TTC28: variants seen among roughly 807,000 people sequenced by gnomAD.
The protein encoded by TTC28 is tetratricopeptide repeat domain 28, also known as tetratricopeptide repeat protein 28.
In TTC28, 61 loss-of-function variants were observed where a neutral mutation model predicts 198.0. The ratio of observed to expected loss-of-function variants is 0.31; its 90% confidence interval spans 0.25 to 0.38. The LOEUF (loss-of-function observed/expected upper bound fraction) is 0.38, where lower values mean the gene tolerates loss of function less well. TTC28 is among the 10% of genes least tolerant of loss of function. The pLI, the probability that TTC28 is intolerant of heterozygous loss-of-function variation, is 1.00. For synonymous variants in TTC28, 1,171 were observed against 1,297.8 expected (o/e 0.90, Z 2.10); for missense variants, 2,678 against 3,164.0 (o/e 0.85, Z 3.69).
At chr22:28,530,704 A>T (rs1192029897) in intron 2 of TTC28, among the ~76,000 whole-genome samples, 2 of 152,228 alleles carry the variant, frequency 1.3e-5, no homozygotes, top group East Asian at 1.9e-4. Context: ...GACTAACAGC[A>T]GATGTCTCGG....
intron 5 of TTC28, among the ~76,000 whole-genome samples, chr22:28,211,672 A>G (rs1926978597): frequency 6.6e-6 from 1 of 152,068 alleles, no homozygotes; most frequent in African/African-American, 2.4e-5. Flanking sequence ...GATTCCAAAC[A>G]ATAATAATGA....
chr22:27,998,999 A>G lies in TTC28; in HGVS notation c.4660T>C (p.Ser1554Pro). ...ATGCTGGGCGTGAGGACCAAGGCCG[A>G]CAGCTTCCAGGAGATGTGGGTGGCA... ...HFATHISWKL[S>P]ALVLTPSMDG... The change falls in exon 16 of 23, where the codon TCG becomes CCG. Residue 1554 changes from serine to proline, a missense_variant. Around this residue, in one of 8 missense-constraint regions of TTC28, gnomAD observed 727 missense variants for 861.9 expected, o/e 0.84. Coordinates refer to ENST00000397906, the MANE Select transcript of TTC28 (RefSeq NM_001145418.2). 6.4e-7 allele frequency: 1 copy of G among 1,550,604 alleles called. No homozygotes were observed. Among genetic ancestry groups the G allele is most frequent in the Non-Finnish European group, 8.7e-7 (1 of 1,146,988 alleles).
chr22:27,987,927 A>AT (rs1264045211), intron 21 of TTC28, among the ~76,000 whole-genome samples: 3 of 151,998 alleles, frequency 2.0e-5, no homozygotes, highest in African/African-American at 7.3e-5. Context: ...GAAGAAAAGC[A>AT]TGTAGGCCAG....
chr22:28,088,776 C>T (rs974578384), intron 12 of TTC28, among the ~76,000 whole-genome samples: 1 of 152,154 alleles, frequency 6.6e-6, no homozygotes, highest in East Asian at 1.9e-4. Flanking sequence ...TGACAAAGGG[C>T]TAATATCCAG....
At chr22:28,654,162 T>G (rs2146267235) in intron 1 of TTC28, among the ~76,000 whole-genome samples, 1 of 152,266 alleles carries the variant, frequency 6.6e-6, no homozygotes, top group South Asian at 2.1e-4. Flanking sequence ...ATTTCTCCAT[T>G]TAAAAGCCCA....
chr22:28,629,971 G>A, intron 1 of TTC28, 141 bp from the exon 2 acceptor site: 1 of 716,778 alleles, frequency 1.4e-6, no homozygotes, highest in Non-Finnish European at 2.3e-6. Flanking sequence ...AATGGGAGGT[G>A]TTTAGGTCAT....
chr22:28,461,263 A>T (rs1055410732), intron 2 of TTC28, among the ~76,000 whole-genome samples: 14 of 152,220 alleles, frequency 9.2e-5, no homozygotes, highest in Non-Finnish European at 1.9e-4. Flanking sequence ...TTGTTGAATG[A>T]ATAACTATTG....
At chr22:28,651,962 C>T (rs1231522677) in intron 1 of TTC28, among the ~76,000 whole-genome samples, 1 of 152,128 alleles carries the variant, frequency 6.6e-6, no homozygotes, top group African/African-American at 2.4e-5. Flanking sequence ...GCCTCAGCCT[C>T]CCAAGTAGCT....
chr22:28,008,915 A>C (rs1300090003), intron 14 of TTC28, among the ~76,000 whole-genome samples: 1 of 152,232 alleles, frequency 6.6e-6, no homozygotes, highest in Non-Finnish European at 1.5e-5. Flanking sequence ...AGTCCAGGGC[A>C]AGAAGCAGGG....
At chr22:28,039,770 A>G (rs1939535852) in intron 12 of TTC28, among the ~76,000 whole-genome samples, 1 of 152,186 alleles carries the variant, frequency 6.6e-6, no homozygotes, top group Non-Finnish European at 1.5e-5. Flanking sequence ...AGACACAAAA[A>G]ACCCTTCAAA....
chr22:28,534,033 T>C (rs990251626), intron 2 of TTC28, among the ~76,000 whole-genome samples: 1 of 152,102 alleles, frequency 6.6e-6, no homozygotes, highest in African/African-American at 2.4e-5. Context: ...CCAAAAGCAA[T>C]GGCAACAAAA....
At chr22:28,553,600 G>A (rs1187258298) in intron 2 of TTC28, among the ~76,000 whole-genome samples, 12 of 150,486 alleles carry the variant, frequency 8.0e-5, no homozygotes, top group African/African-American at 9.8e-5. Context: ...CAGCCACCCC[G>A]TCTGGGAAGT....
rs1415642283 is a variant in TTC28 at position 28,444,253 on chromosome 22, G to A, written c.382-137610C>T. On this transcript the variant is annotated intron_variant, in intron 2 of 22. Coordinates refer to ENST00000397906, the MANE Select transcript of TTC28 (RefSeq NM_001145418.2). ...TGGGTAAACTACTAGAATACCAACT[G>A]ATATGCATAATAATAGTAACTGATG... Among the ~76,000 whole-genome samples, 3 of 152,168 alleles carry A rather than the reference G, an allele frequency of 2.0e-5. No homozygotes were observed. The South Asian group carries it at 6.2e-4, about 32-fold the overall frequency.
At chr22:28,287,404 A>G (rs1318896492) in intron 5 of TTC28, among the ~76,000 whole-genome samples, 4 of 152,206 alleles carry the variant, frequency 2.6e-5, no homozygotes, top group Admixed American at 2.6e-4. Context: ...CAAGACACAA[A>G]AGGCTCTAAC....
intron 2 of TTC28, among the ~76,000 whole-genome samples, chr22:28,390,270 G>A (rs1047059284): frequency 1.3e-5 from 2 of 151,972 alleles, no homozygotes; most frequent in African/African-American, 4.8e-5. Flanking sequence ...CAAGTATGTG[G>A]TCAATTTTGG....
intron 2 of TTC28, among the ~76,000 whole-genome samples, chr22:28,443,524 TCC>T (rs2047656810): frequency 6.6e-6 from 1 of 152,104 alleles, no homozygotes; most frequent in Non-Finnish European, 1.5e-5. Context: ...ATGCCTACCT[TCC>T]CTGAACACTG....
intron 6 of TTC28, among the ~76,000 whole-genome samples, chr22:28,112,115 A>AATTTTTGTT (rs1379911524): frequency 6.6e-6 from 1 of 152,146 alleles, no homozygotes; most frequent in Non-Finnish European, 1.5e-5. Flanking sequence ...ATATTTTGGC[A>AATTTTTGTT]ATTTTTGTTT....
chr22:28,255,655 T>C (rs1930850803), intron 5 of TTC28, among the ~76,000 whole-genome samples: 2 of 146,316 alleles, frequency 1.4e-5, no homozygotes, highest in Non-Finnish European at 3.0e-5. Context: ...CATTCCAGCC[T>C]GGGCAATAAG....
intron 14 of TTC28, among the ~76,000 whole-genome samples, chr22:28,009,103 C>A (rs1367415754): frequency 6.6e-6 from 1 of 152,216 alleles, no homozygotes; most frequent in Non-Finnish European, 1.5e-5. Flanking sequence ...GATGATGGCT[C>A]ATGTGCAAAT....
Sources: gnomAD v4.1 joint callset for allele counts (sites outside exome capture counted in the v4.1 genomes callset) on GRCh38, gnomAD v4.1.1 for gene constraint, gnomAD v4.1.1 regional missense constraint, MANE v1.5 for transcripts, NCBI Gene and HGNC (gene_info 2026-07-23, HGNC 2026-07-21) for gene names.